The following TAB2 variants were observed in gnomAD, a reference collection of about 807,000 sequenced individuals.
The protein encoded by TAB2 is TGF-beta activated kinase 1 (MAP3K7) binding protein 2, also known as TGF-beta-activated kinase 1 and MAP3K7-binding protein 2.
A neutral mutation model predicts 65.0 loss-of-function variants in TAB2; 3 were observed. The observed-to-expected ratio is 0.05, with a 90% CI of 0.02 to 0.12. TAB2 has a LOEUF of 0.12. Among genes scored for constraint, TAB2 ranks in the 10% least tolerant of loss-of-function variants. The pLI, the probability that TAB2 is intolerant of heterozygous loss-of-function variation, is 1.00. For synonymous variants in TAB2, 298 were observed against 285.1 expected, an observed-to-expected ratio of 1.05 and a Z score of -0.46; for missense variants, 623 against 840.3, an observed-to-expected ratio of 0.74 and a Z score of 3.20.
At chr6:149,246,929 G>C (rs1583043367) in intron 1 of TAB2, 1 of 152,446 alleles carries the variant, frequency 6.6e-6, no homozygotes, top group African/African-American at 2.4e-5. Context: ...GAAAGTGCCT[G>C]AGTTCTGCTT....
intron 1 of TAB2, among the ~76,000 whole-genome samples, chr6:149,357,428 A>ACACACAC (rs1223441586): frequency 0.011 from 733 of 65,564 alleles, 14 homozygotes; most frequent in African/African-American, 0.039. Context: ...GGAGAAAAAA[A>ACACACAC]AAACACACAC....
chr6:149,286,913 C>G (rs1350504793), intron 1 of TAB2, among the ~76,000 whole-genome samples: 2 of 152,044 alleles, frequency 1.3e-5, no homozygotes, highest in African/African-American at 4.8e-5. Flanking sequence ...GTCAGGAGTT[C>G]AAGCCCAGCC....
At chr6:149,316,143 G>T (rs1779246134), upstream of TAB2, among the ~76,000 whole-genome samples, 1 of 152,046 alleles carries the variant, frequency 6.6e-6, no homozygotes, top group African/African-American at 2.4e-5. Flanking sequence ...ATTTCTTCTC[G>T]CCAGTAAAAC....
chr6:149,342,873 G>GT (rs1426488187), intron 1 of TAB2: 1 of 152,150 alleles, frequency 6.6e-6, no homozygotes, highest in Non-Finnish European at 1.5e-5. Flanking sequence ...CTTAGCCTGT[G>GT]TAACTGCCTT....
intron 1 of TAB2, among the ~76,000 whole-genome samples, chr6:149,339,385 G>GA (rs71803243): frequency 7.3e-5 from 11 of 151,380 alleles, no homozygotes; most frequent in African/African-American, 1.7e-4. Flanking sequence ...ATGAAAAAAA[G>GA]AAAAAAAATC....
chr6:149,352,894 A>G (rs1780536552), intron 1 of TAB2, among the ~76,000 whole-genome samples: 1 of 152,150 alleles, frequency 6.6e-6, no homozygotes, highest in African/African-American at 2.4e-5. Context: ...TAGGAAACAC[A>G]CCCTTTTCCT....
At chr6:149,246,897 C>T (rs1367776756) in intron 1 of TAB2, 1 of 152,388 alleles carries the variant, frequency 6.6e-6, no homozygotes, top group African/African-American at 2.4e-5. Context: ...TTCTGTTTGT[C>T]AAGGAAGACT....
intron 6 of TAB2, among the ~76,000 whole-genome samples, chr6:149,403,245 AAAATATATATATATATATATATAT>A (rs1339088395): frequency 1.3e-4 from 6 of 47,196 alleles, no homozygotes; most frequent in Middle Eastern, 9.4e-3. Context: ...AAAAAAAAAA[AAAATATATATATATATATATATAT>A]ATATATATAT....
intron 1 of TAB2, among the ~76,000 whole-genome samples, chr6:149,275,365 A>G (rs1034466692): frequency 2.6e-5 from 4 of 152,200 alleles, no homozygotes; most frequent in Non-Finnish European, 5.9e-5. Context: ...GCACTCGCCA[A>G]CGAAAGAAGC....
At position 149,378,316 on chromosome 6, in the gene TAB2, C is replaced by G. The variant is rs368926001; in HGVS notation, c.401C>G (p.Pro134Arg). The G allele has an allele frequency of 6.2e-7, 1 of 1,614,204 alleles. No homozygotes were observed. The highest frequency in any genetic ancestry group is 8.5e-7 in the Non-Finnish European group (1 of 1,180,052). ...QEPQTAPAQV[P>R]QGFNVFGMSS... The stretch of plus-strand genomic sequence containing the variant: ...CCACAGACAGCACCAGCTCAAGTTC[C>G]TCAAGGCTTTAATGTTTTTGGAATG... Residue 134 changes from proline to arginine, a missense_variant, in exon 3 of 7, where the codon CCT (proline) becomes CGT (arginine). This residue lies in a region of TAB2 where 550 missense variants were observed against 665.7 expected (regional missense o/e 0.83). Coordinates refer to ENST00000637181, the MANE Select transcript of TAB2 (RefSeq NM_001292034.3).
chr6:149,275,139 T>TTTTTATTTTGAGTTGGAGTCTTGCTA (rs56122402), intron 1 of TAB2, among the ~76,000 whole-genome samples: 1 of 113,480 alleles, frequency 8.8e-6, no homozygotes, highest in Non-Finnish European at 1.8e-5. Flanking sequence ...TTTTTTTTTT[T>TTTTTATTTTGAGTTGGAGTCTTGCTA]TTTTGAGTTG....
chr6:149,407,455 CCT>C (rs1179539476), intron 6 of TAB2, among the ~76,000 whole-genome samples: 2 of 152,014 alleles, frequency 1.3e-5, no homozygotes, highest in African/African-American at 4.8e-5. Flanking sequence ...ATTTTGCTGT[CCT>C]CTCTACTTTT....
intron 1 of TAB2, among the ~76,000 whole-genome samples, chr6:149,288,854 A>ATTT (rs71007938): frequency 3.5e-4 from 40 of 115,372 alleles, no homozygotes; most frequent in African/African-American, 1.0e-3. Flanking sequence ...TTAATTTTTA[A>ATTT]TTTTTTTTTT....
Position 149,378,786 on chromosome 6 carries a change from A to G in TAB2, c.871A>G (p.Thr291Ala), listed in dbSNP as rs1265389330. ...SHVYMPISSP[T>A]TSQPPTIHSS... ...TGTCTACATGCCAATCAGTTCACCT[A>G]CTACTTCACAACCACCAACCATTCA... Residue 291 changes from threonine (T) to alanine (A), a missense_variant, in exon 3 of 7, where the codon ACT (threonine) becomes GCT (alanine). Around this residue, in one of 3 missense-constraint regions of TAB2, gnomAD observed 550 missense variants for 665.7 expected, o/e 0.83. Coordinates refer to ENST00000637181, the MANE Select transcript of TAB2 (RefSeq NM_001292034.3). The G allele has an allele frequency of 1.3e-5, 21 of 1,614,134 alleles. No individual in the cohort carries two copies. The highest frequency in any genetic ancestry group is 2.2e-5 in the South Asian group (2 of 91,076).
At chr6:149,339,335 C>G (rs1396300847) in intron 1 of TAB2, among the ~76,000 whole-genome samples, 1 of 151,792 alleles carries the variant, frequency 6.6e-6, no homozygotes, top group Non-Finnish European at 1.5e-5. Context: ...CACCACTGCA[C>G]TCCAGCTGAG....
intron 1 of TAB2, among the ~76,000 whole-genome samples, chr6:149,251,125 GCCGGGTGCCT>G (rs1332740495): frequency 4.6e-5 from 7 of 152,134 alleles, no homozygotes; most frequent in African/African-American, 1.4e-4. Context: ...CTTTCCTTTT[GCCGGGTGCCT>G]CCTGGAGATG....
chr6:149,399,203 T>C lies in TAB2; in HGVS notation c.1939+19T>C, dbSNP rs559086916. On this transcript the variant is annotated intron_variant, in intron 6 of 6. Transcript: ENST00000637181. Reference sequence around the variant, plus strand: ...CCCAAAGGTTAGTGTATCCATTAAATGTGAAAACTGTTACTTTTGAAAAGC... The same window carrying C: ...CCCAAAGGTTAGTGTATCCATTAAACGTGAAAACTGTTACTTTTGAAAAGC... 97 of 1,606,738 alleles carry C rather than the reference T, an allele frequency of 6.0e-5. No individual in the cohort carries two copies. The highest frequency in any genetic ancestry group is 8.0e-5 in the Non-Finnish European group (94 of 1,173,900).
chr6:149,299,989 C>A (rs888266178), intron 1 of TAB2, among the ~76,000 whole-genome samples: 1 of 152,148 alleles, frequency 6.6e-6, no homozygotes, highest in African/African-American at 2.4e-5. Context: ...GGCAACAGAA[C>A]TAGAACCTGT....
intron 1 of TAB2, among the ~76,000 whole-genome samples, chr6:149,306,257 T>A (rs1262323858): frequency 1.3e-5 from 2 of 150,934 alleles, no homozygotes; most frequent in Non-Finnish European, 3.0e-5. Context: ...AATACAAAAA[T>A]TGGCCGGGTG....
Sources: gnomAD v4.1 joint callset for allele counts (sites outside exome capture counted in the v4.1 genomes callset) on GRCh38, gnomAD v4.1.1 for gene constraint, gnomAD v4.1.1 regional missense constraint, MANE v1.5 for transcripts, NCBI Gene and HGNC (gene_info 2026-07-23, HGNC 2026-07-21) for gene names.